Variants in ATOSB observed in about 807,000 individuals in gnomAD.
ATOSB encodes atos homolog B, also known as atos homolog protein B.
At chr9:35,111,875 G>T in the ATOSB span, among the ~76,000 whole-genome samples, 1 of 152,168 alleles carries the variant, frequency 6.6e-6, no homozygotes, top group Non-Finnish European at 1.5e-5. Context: ...TTTCAAAGGC[G>T]TAGGCCTTCC....
the ATOSB span, chr9:35,108,410 C>G: frequency 2.8e-6 from 4 of 1,409,104 alleles, no homozygotes; most frequent in Admixed American, 3.3e-5. Context: ...TTCCTTCCAG[C>G]TGAGTTTCAG....
At chr9:35,110,702 C>G in the ATOSB span, 1 of 152,218 alleles carries the variant, frequency 6.6e-6, no homozygotes, top group Non-Finnish European at 1.5e-5. Context: ...GGGAGCAAGG[C>G]CAGCAAAAAC....
the ATOSB span, chr9:35,106,410 C>G: frequency 6.2e-7 from 1 of 1,614,134 alleles, no homozygotes; most frequent in Non-Finnish European, 8.5e-7. This position sits in a 1 kb window ranked among gnomAD's most constrained non-coding sequence, Gnocchi z 4.6. Context: ...AGCAATGATT[C>G]CTGGGATTAG....
the ATOSB span, chr9:35,108,639 A>G: frequency 3.5e-5 from 36 of 1,036,448 alleles, no homozygotes; most frequent in Admixed American, 1.1e-4. Flanking sequence ...CCTCTTCCCA[A>G]CTGATGCCTC....
the ATOSB span, chr9:35,107,796 C>A: frequency 6.4e-7 from 1 of 1,573,994 alleles, no homozygotes. Flanking sequence ...TGGGGAGGCC[C>A]AGTCTCTGGT....
At chr9:35,107,726 C>G in the ATOSB span, 3 of 1,595,620 alleles carry the variant, frequency 1.9e-6, no homozygotes, top group Admixed American at 5.3e-5. Context: ...CAAGTGTGTG[C>G]AGCTGGCCTG....
chr9:35,105,028 T>C, the ATOSB span: 1 of 537,148 alleles, frequency 1.9e-6, no homozygotes, highest in East Asian at 3.5e-5. The surrounding 1 kb of genome is among the most constrained non-coding windows in gnomAD (Gnocchi z 5.5). Flanking sequence ...GACAGGCACA[T>C]GGAGTACCCG....
the ATOSB span, chr9:35,107,248 GGGA>G: frequency 9.1e-7 from 1 of 1,103,324 alleles, no homozygotes; most frequent in East Asian, 2.6e-5. Context: ...CCTTGAGCCT[GGGA>G]GGAGGAGGTT....
chr9:35,109,748 C>T, the ATOSB span: 2 of 152,502 alleles, frequency 1.3e-5, no homozygotes. Context: ...TCTCTCCCTT[C>T]TCTGAGACCT....
the ATOSB span, chr9:35,106,080 T>G: frequency 6.5e-7 from 1 of 1,539,990 alleles, no homozygotes; most frequent in South Asian, 1.2e-5. This position sits in a 1 kb window ranked among gnomAD's most constrained non-coding sequence, Gnocchi z 4.6. Context: ...CATGTCCCTC[T>G]CCACAAGCTC....
the ATOSB span, among the ~76,000 whole-genome samples, chr9:35,107,045 C>T: frequency 1.1e-4 from 16 of 152,116 alleles, no homozygotes; most frequent in South Asian, 2.1e-4. Context: ...GAAGGACAGG[C>T]GCAGTGGCTT....
the ATOSB span, chr9:35,109,789 G>A: frequency 6.6e-6 from 1 of 152,280 alleles, no homozygotes; most frequent in Non-Finnish European, 1.5e-5. Flanking sequence ...CTTCCTGTAA[G>A]CTCACTAACA....
At chr9:35,107,586 G>A in the ATOSB span, 2 of 1,587,692 alleles carry the variant, frequency 1.3e-6, no homozygotes, top group East Asian at 2.2e-5. Context: ...TCCAGGGCCA[G>A]GGGGTGTGTG....
chr9:35,114,895 G>T, the ATOSB span, among the ~76,000 whole-genome samples: 1 of 152,288 alleles, frequency 6.6e-6, no homozygotes, highest in Non-Finnish European at 1.5e-5. Flanking sequence ...TGGGGGTGGG[G>T]TCTGAGCCCT....
chr9:35,107,426 T>C, the ATOSB span: 21 of 1,602,102 alleles, frequency 1.3e-5, 1 homozygote, highest in South Asian at 2.2e-4. Context: ...TCCAGAAGGG[T>C]GTGGCTTTGG....
At chr9:35,107,913 C>T in the ATOSB span, 24 of 1,596,810 alleles carry the variant, frequency 1.5e-5, no homozygotes, top group East Asian at 6.7e-5. Context: ...ACAGAGGCCA[C>T]GGTGGGAGAA....
At chr9:35,106,478 A>G in the ATOSB span, 6 of 1,608,856 alleles carry the variant, frequency 3.7e-6, no homozygotes, top group South Asian at 6.6e-5. This position sits in a 1 kb window ranked among gnomAD's most constrained non-coding sequence, Gnocchi z 4.6. Context: ...CATCCAAGCC[A>G]CATTCCACCA....
At chr9:35,113,831 C>T in the ATOSB span, among the ~76,000 whole-genome samples, 2 of 152,026 alleles carry the variant, frequency 1.3e-5, no homozygotes, top group African/African-American at 2.4e-5. Context: ...CGTTCATGCT[C>T]ATATTCCCAG....
the ATOSB span, chr9:35,106,703 G>T: frequency 6.8e-7 from 1 of 1,461,206 alleles, no homozygotes; most frequent in Non-Finnish European, 9.3e-7. This position sits in a 1 kb window ranked among gnomAD's most constrained non-coding sequence, Gnocchi z 4.6. Context: ...TCCTGCTTAT[G>T]CCCTTGGACT....
Sources: gnomAD v4.1 joint callset for allele counts (sites outside exome capture counted in the v4.1 genomes callset) on GRCh38, gnomAD v4.1.1 for gene constraint, Gnocchi (gnomAD v3.1) non-coding constraint, MANE v1.5 for transcripts, NCBI Gene and HGNC (gene_info 2026-07-23, HGNC 2026-07-21) for gene names.